The following MTMR7 variants were observed in gnomAD, a reference collection of about 807,000 sequenced individuals.
MTMR7 encodes the protein phosphatidylinositol-3-phosphate phosphatase MTMR7.
A neutral mutation model predicts 81.2 loss-of-function variants in MTMR7; 76 were observed. That is an observed-to-expected ratio of 0.94 (90% CI 0.78 to 1.13). The LOEUF is 1.13. MTMR7 is among the 50% of genes most tolerant of loss of function. MTMR7 has a pLI of 0.00. For missense variants in MTMR7, 1,044 were observed against 820.0 expected (o/e 1.27, Z -3.34); for synonymous variants, 372 against 289.8 (o/e 1.28, Z -2.88).
intron 7 of MTMR7, among the ~76,000 whole-genome samples, chr8:17,327,182 TAATC>T (rs1200844908): frequency 1.3e-5 from 2 of 152,250 alleles, no homozygotes; most frequent in African/African-American, 4.8e-5. Flanking sequence ...GAAGTAAAAT[TAATC>T]AGTCTACTAC....
At chr8:17,313,427 G>T (rs778032570) in intron 7 of MTMR7, 26 bp from the exon 8 acceptor site, 2 of 1,451,838 alleles carry the variant, frequency 1.4e-6, no homozygotes, top group South Asian at 1.2e-5. Flanking sequence ...TGTTATAAAA[G>T]CAAAATTAAG....
Position 17,336,452 on chromosome 8 carries a change from C to T in MTMR7, c.732+4911G>A, listed in dbSNP as rs545093939. Among the ~76,000 whole-genome samples the T allele has an allele frequency of 1.1e-4, 17 of 152,210 alleles. No homozygotes were observed. In the South Asian group the frequency reaches 2.7e-3, roughly 24 times the overall value. On this transcript the variant is annotated intron_variant, in intron 6 of 13. Transcript: ENST00000180173. ...ACTCTGGTTGCTGCCATGACGGCCA[C>T]CAGCAAGTGTGAGACCCCCGATTCC...
intron 5 of MTMR7, among the ~76,000 whole-genome samples, chr8:17,348,151 C>G (rs916494705): frequency 2.6e-5 from 4 of 152,118 alleles, no homozygotes; most frequent in African/African-American, 9.7e-5. Context: ...CCAATTCTGG[C>G]TTTTATAAAT....
rs1186812607 is a variant in MTMR7 at position 17,299,203 on chromosome 8, G to A, written c.*659C>T. 1.3e-5 allele frequency: 2 copies of A among 152,180 alleles called. No homozygotes were observed. Among genetic ancestry groups the A allele is most frequent in the African/African-American group, 4.8e-5 (2 of 41,432 alleles). The allele number at this position is 152,180 out of a possible 1,614,324, so 9.4% of individuals were successfully genotyped here. A position where few individuals can be genotyped will look rare whatever the true frequency, so the allele number is the denominator to read the frequency against. On this transcript the variant is annotated 3_prime_UTR_variant, in exon 14 of 14. Transcript: ENST00000180173. Reference sequence around the variant, plus strand: ...GTGTTAGAGAAAAAGTGAGATACAAGGTTTAGCATTTTTAAATAATGAGGA... The same window carrying A: ...GTGTTAGAGAAAAAGTGAGATACAAAGTTTAGCATTTTTAAATAATGAGGA...
intron 1 of MTMR7, among the ~76,000 whole-genome samples, chr8:17,400,032 T>G (rs1821378307): frequency 6.6e-6 from 1 of 152,220 alleles, no homozygotes; most frequent in African/African-American, 2.4e-5. Flanking sequence ...TCTCTAGGAT[T>G]GTATCTGCTA....
intron 3 of MTMR7, among the ~76,000 whole-genome samples, chr8:17,370,209 GA>G (rs1382122135): frequency 2.0e-5 from 3 of 151,070 alleles, no homozygotes; most frequent in Non-Finnish European, 4.4e-5. Flanking sequence ...ATCAACCTTG[GA>G]AAAAATAAAT....
At chr8:17,309,186 AC>A in intron 10 of MTMR7, 90 bp downstream of exon 10, 2 of 886,328 alleles carry the variant, frequency 2.3e-6, no homozygotes, top group Non-Finnish European at 1.8e-6. Flanking sequence ...AACTCAAAAA[AC>A]AAGACGATTT....
chr8:17,331,428 G>T (rs532236024), intron 6 of MTMR7, 146 bp from the exon 7 acceptor site: 2 of 796,324 alleles, frequency 2.5e-6, no homozygotes, highest in African/African-American at 3.5e-5. Context: ...CTGCAACCTT[G>T]TACTGAACTA....
At position 17,389,522 on chromosome 8, in the gene MTMR7, A is replaced by G. The variant is rs1414949533; in HGVS notation, c.25-16282T>C. On this transcript the variant is annotated intron_variant, in intron 1 of 13. Coordinates refer to ENST00000180173, the MANE Select transcript of MTMR7 (RefSeq NM_004686.5). ...GGTGGCAGGATCCTTGAAGATTGGC[A>G]CTAATGTTTTTGCCTATCTTTGTAG... Among the ~76,000 whole-genome samples, 4 of 152,202 alleles carry G rather than the reference A, an allele frequency of 2.6e-5. 1 individual carries two copies. Among genetic ancestry groups the G allele is most frequent in the Non-Finnish European group, 5.9e-5 (4 of 68,040 alleles).
intron 1 of MTMR7, among the ~76,000 whole-genome samples, chr8:17,382,830 A>G (rs1820800766): frequency 6.6e-6 from 1 of 152,226 alleles, no homozygotes; most frequent in South Asian, 2.1e-4. Context: ...TGCAGGTGTC[A>G]AGCACAAAAA....
chr8:17,409,325 C>T (rs1413826439), intron 1 of MTMR7, among the ~76,000 whole-genome samples: 2 of 151,832 alleles, frequency 1.3e-5, no homozygotes, highest in Non-Finnish European at 2.9e-5. Flanking sequence ...CTAGGTGTAG[C>T]GGCACGTGCT....
At chr8:17,348,312 T>C (rs1357726308) in intron 5 of MTMR7, among the ~76,000 whole-genome samples, 1 of 151,730 alleles carries the variant, frequency 6.6e-6, no homozygotes, top group Non-Finnish European at 1.5e-5. Flanking sequence ...CCGAGGCAGG[T>C]GGGTCACCTG....
rs781475753 is a variant in MTMR7, at chr8:17,300,070, C to T, written c.1775G>A (p.Arg592Gln). ...YSGNMKSFPS[R>Q]SPSQGDEDSA... ...ATCTTCATCGCCTTGTGAAGGGCTC[C>T]GGGATGGAAATGATTTCATATTCCC... The change falls in exon 14 of 14, where the codon CGG (arginine) becomes CAG (glutamine). Residue 592 changes from arginine (R) to glutamine (Q), a missense_variant. Coordinates refer to ENST00000180173, the MANE Select transcript of MTMR7 (RefSeq NM_004686.5). 1.2e-5 allele frequency: 19 copies of T among 1,613,956 alleles called. No individual in the cohort carries two copies. The highest frequency in any genetic ancestry group is 4.0e-5 in the African/African-American group (3 of 74,868).
chr8:17,308,260 T>C (rs1319978135), intron 10 of MTMR7, among the ~76,000 whole-genome samples: 1 of 152,136 alleles, frequency 6.6e-6, no homozygotes, highest in Non-Finnish European at 1.5e-5. Context: ...CCATATTCTT[T>C]CTGTCATCTG....
At chr8:17,377,455 A>G (rs1209781230) in intron 1 of MTMR7, among the ~76,000 whole-genome samples, 1 of 152,094 alleles carries the variant, frequency 6.6e-6, no homozygotes, top group Non-Finnish European at 1.5e-5. Flanking sequence ...GTGATTAGAC[A>G]GGCAAAGGTT....
At chr8:17,306,721 A>G (rs1299153450) in intron 10 of MTMR7, among the ~76,000 whole-genome samples, 2 of 152,196 alleles carry the variant, frequency 1.3e-5, no homozygotes, top group East Asian at 1.9e-4. Flanking sequence ...ATGAGCAATG[A>G]TCAGTTTTAG....
At chr8:17,355,845 G>T (rs775755213) in intron 4 of MTMR7, among the ~76,000 whole-genome samples, 1 of 152,196 alleles carries the variant, frequency 6.6e-6, no homozygotes, top group East Asian at 1.9e-4. Flanking sequence ...AACCTCACTA[G>T]TCAATCAGGT....
At chr8:17,348,544 T>C (rs1168148472) in intron 5 of MTMR7, among the ~76,000 whole-genome samples, 1 of 72,568 alleles carries the variant, frequency 1.4e-5, no homozygotes, top group Non-Finnish European at 3.0e-5. Flanking sequence ...AGTGAGACTC[T>C]GTCTCAAAAA....
intron 12 of MTMR7, among the ~76,000 whole-genome samples, chr8:17,303,860 T>C (rs1482592064): frequency 6.6e-6 from 1 of 152,184 alleles, no homozygotes; most frequent in African/African-American, 2.4e-5. Context: ...TCCACCCGCC[T>C]CGGCTAATAC....
Sources: gnomAD v4.1 joint callset for allele counts (sites outside exome capture counted in the v4.1 genomes callset) on GRCh38, gnomAD v4.1.1 for gene constraint, MANE v1.5 for transcripts, NCBI Gene and HGNC (gene_info 2026-07-23, HGNC 2026-07-21) for gene names.